PUM1: variants seen among roughly 807,000 people sequenced by gnomAD.
The protein encoded by PUM1 is pumilio RNA binding family member 1, also known as pumilio homolog 1.
A neutral mutation model predicts 131.8 loss-of-function variants in PUM1; 13 were observed. The ratio of observed to expected loss-of-function variants is 0.10; its 90% CI spans 0.06 to 0.16. The LOEUF is 0.16. Ranked by LOEUF, PUM1 falls within the 10% of genes least tolerant of loss-of-function variation. The probability of loss-of-function intolerance (pLI) is 1.00; values close to 1 mark genes in which losing one functional copy is unlikely to be tolerated. For synonymous variants in PUM1, 509 were observed against 556.5 expected (o/e 0.91, Z 1.20); for missense variants, 961 against 1,512.4 (o/e 0.64, Z 6.05).
chr1:31,033,424 C>T (rs1042528110), intron 2 of PUM1, among the ~76,000 whole-genome samples: 6 of 136,286 alleles, frequency 4.4e-5, no homozygotes, highest in Non-Finnish European at 9.2e-5. Context: ...CTCGCTCTGT[C>T]GCCCAGGCCG....
chr1:30,990,873 G>A (rs1266554631), intron 7 of PUM1, among the ~76,000 whole-genome samples: 1 of 152,144 alleles, frequency 6.6e-6, no homozygotes, highest in Admixed American at 6.5e-5. Flanking sequence ...TATGGTGAGG[G>A]CACCCTTGGT....
intron 1 of PUM1, among the ~76,000 whole-genome samples, chr1:31,061,345 C>T (rs185817233): frequency 2.0e-3 from 312 of 152,210 alleles, no homozygotes; most frequent in Admixed American, 5.3e-3. Context: ...AGGTTGGGCA[C>T]GGTGGCTCAT....
At chr1:31,028,737 G>A in intron 3 of PUM1, 59 bp downstream of exon 3, 2 of 1,340,304 alleles carry the variant, frequency 1.5e-6, no homozygotes, top group Non-Finnish European at 1.1e-6. Context: ...TTTGATGAAA[G>A]ACAACTCCAA....
intron 3 of PUM1, among the ~76,000 whole-genome samples, chr1:31,017,689 C>A (rs1472600466): frequency 6.6e-6 from 1 of 151,990 alleles, no homozygotes; most frequent in Non-Finnish European, 1.5e-5. Context: ...CCAAGGTAGG[C>A]AGAAATGAAA....
At chr1:30,992,054 C>T (rs1377311779) in intron 7 of PUM1, among the ~76,000 whole-genome samples, 2 of 152,222 alleles carry the variant, frequency 1.3e-5, no homozygotes, top group Non-Finnish European at 2.9e-5. Flanking sequence ...AAACCAACAG[C>T]ATCACAACCA....
chr1:30,952,169 C>T (rs1639962185), intron 16 of PUM1, 65 bp downstream of exon 16: 1 of 1,512,866 alleles, frequency 6.6e-7, no homozygotes, highest in Non-Finnish European at 9.2e-7. Context: ...CTTAAAAAGG[C>T]TAATGAAAAT....
chr1:30,940,293 T>A (rs913948366), intron 20 of PUM1, among the ~76,000 whole-genome samples: 1 of 152,084 alleles, frequency 6.6e-6, no homozygotes, highest in Non-Finnish European at 1.5e-5. Context: ...CTGGCCAATA[T>A]GGTGAAACCC....
intron 2 of PUM1, among the ~76,000 whole-genome samples, chr1:31,046,186 A>G (rs1018287160): frequency 1.3e-5 from 2 of 152,134 alleles, no homozygotes; most frequent in Non-Finnish European, 2.9e-5. Flanking sequence ...CGGGAGGTCG[A>G]AACCAGCCTC....
chr1:31,012,733 T>C (rs1642669994), intron 3 of PUM1, among the ~76,000 whole-genome samples: 1 of 152,000 alleles, frequency 6.6e-6, no homozygotes. Flanking sequence ...AAAACCACAC[T>C]TAACACTTAA....
At chr1:31,049,644 C>G (rs889105525) in intron 2 of PUM1, among the ~76,000 whole-genome samples, 14 of 151,926 alleles carry the variant, frequency 9.2e-5, no homozygotes, top group Admixed American at 1.3e-4. Flanking sequence ...CCTGCCACTT[C>G]TCTCCAGCCT....
intron 14 of PUM1, among the ~76,000 whole-genome samples, chr1:30,961,385 G>A (rs976653844): frequency 4.6e-5 from 7 of 151,364 alleles, no homozygotes; most frequent in Non-Finnish European, 8.8e-5. Flanking sequence ...TTAGCTGGGT[G>A]TGGTGGTGTG....
intron 3 of PUM1, among the ~76,000 whole-genome samples, chr1:31,009,979 G>A (rs867652753): frequency 3.3e-5 from 5 of 152,084 alleles, no homozygotes; most frequent in African/African-American, 1.2e-4. Flanking sequence ...GTCATAATGT[G>A]CAAAGCCAGG....
At chr1:31,039,464 C>A (rs908938069) in intron 2 of PUM1, among the ~76,000 whole-genome samples, 1 of 152,078 alleles carries the variant, frequency 6.6e-6, no homozygotes, top group Non-Finnish European at 1.5e-5. Context: ...ACCTTGTGAT[C>A]CACCCACCTC....
intron 2 of PUM1, among the ~76,000 whole-genome samples, chr1:31,051,958 T>C (rs1455485190): frequency 6.6e-6 from 1 of 152,064 alleles, no homozygotes; most frequent in African/African-American, 2.4e-5. Context: ...AAATTTTCAA[T>C]GTTATTCAGG....
At chr1:30,947,965 C>T (rs1446697703) in intron 17 of PUM1, among the ~76,000 whole-genome samples, 2 of 151,472 alleles carry the variant, frequency 1.3e-5, no homozygotes. Flanking sequence ...AAGCGATCCT[C>T]CTGCCTTAGC....
intron 2 of PUM1, among the ~76,000 whole-genome samples, chr1:31,050,040 A>G (rs2124586717): frequency 6.6e-6 from 1 of 151,780 alleles, no homozygotes; most frequent in East Asian, 2.0e-4. Context: ...CATGTTGGCC[A>G]GGCTGGTCTC....
At chr1:30,978,663 C>G (rs1641236751) in intron 9 of PUM1, among the ~76,000 whole-genome samples, 1 of 152,214 alleles carries the variant, frequency 6.6e-6, no homozygotes, top group Non-Finnish European at 1.5e-5. Context: ...AATATCTAAA[C>G]TGGAAGACAT....
intron 1 of PUM1, among the ~76,000 whole-genome samples, chr1:31,063,112 A>G (rs1644404666): frequency 6.6e-6 from 1 of 152,042 alleles, no homozygotes; most frequent in South Asian, 2.1e-4. Context: ...AGAATTCATT[A>G]CTCTCTTAGT....
intron 2 of PUM1, among the ~76,000 whole-genome samples, chr1:31,047,276 T>G (rs951494899): frequency 1.3e-5 from 2 of 152,096 alleles, no homozygotes; most frequent in Non-Finnish European, 2.9e-5. Context: ...CTATTATGGC[T>G]CTTTACAATA....
Sources: allele counts gnomAD v4.1 joint callset (sites outside exome capture counted in the v4.1 genomes callset), GRCh38; gene constraint gnomAD v4.1.1; transcripts MANE v1.5; gene names NCBI Gene and HGNC (gene_info 2026-07-23, HGNC 2026-07-21).